The following PPARG variants were observed in gnomAD, a reference collection of about 807,000 sequenced individuals.
PPARG encodes the protein peroxisome proliferator activated receptor gamma.
In PPARG, 17 loss-of-function variants were observed where a neutral mutation model predicts 39.2. The observed-to-expected ratio is 0.43, with a 90% confidence interval of 0.30 to 0.65. The LOEUF is 0.65. PPARG is among the 30% of genes least tolerant of loss of function. The probability of loss-of-function intolerance (pLI) is 0.13; values close to 1 mark genes in which losing one functional copy is unlikely to be tolerated. For missense variants in PPARG, 406 were observed against 585.9 expected, an observed-to-expected ratio of 0.69 and a Z score of 3.17; for synonymous variants, 223 against 215.7, an observed-to-expected ratio of 1.03 and a Z score of -0.30.
At chr3:12,404,965 G>A (rs1194312821) in intron 5 of PPARG, among the ~76,000 whole-genome samples, 3 of 152,162 alleles carry the variant, frequency 2.0e-5, no homozygotes, top group Non-Finnish European at 2.9e-5. Context: ...ATACCACATC[G>A]TGAGTGTAAG....
At chr3:12,358,472 AG>A (rs1274423921) in intron 2 of PPARG, among the ~76,000 whole-genome samples, 1 of 152,192 alleles carries the variant, frequency 6.6e-6, no homozygotes, top group Non-Finnish European at 1.5e-5. Flanking sequence ...TTTAGGAAAA[AG>A]TAAAATATTC....
intron 1 of PPARG, among the ~76,000 whole-genome samples, chr3:12,289,908 A>T (rs2046606542): frequency 6.6e-6 from 1 of 152,172 alleles, no homozygotes; most frequent in African/African-American, 2.4e-5. Flanking sequence ...TTGGAATCAA[A>T]TACACTTTAT....
At chr3:12,288,664 C>G (rs1190045653), upstream of PPARG, among the ~76,000 whole-genome samples, 1 of 152,090 alleles carries the variant, frequency 6.6e-6, no homozygotes, top group Non-Finnish European at 1.5e-5. Context: ...GGGGACCGTT[C>G]AGCGAGGGGC....
chr3:12,303,003 G>A (rs964456161), intron 1 of PPARG, among the ~76,000 whole-genome samples: 1 of 152,144 alleles, frequency 6.6e-6, no homozygotes, highest in African/African-American at 2.4e-5. Context: ...TACAGACCTG[G>A]CACACAGTAA....
intron 4 of PPARG, among the ~76,000 whole-genome samples, chr3:12,392,015 A>G (rs1172601455): frequency 6.6e-6 from 1 of 152,182 alleles, no homozygotes; most frequent in Non-Finnish European, 1.5e-5. Flanking sequence ...TTATCTGATT[A>G]CTTCTCATGT....
In PPARG at chr3:12,292,150, A is replaced by AT. The variant is rs551586560; in HGVS notation, c.-83+3020dup. ...CAATTTATAAACTGTTTCTGGGAATATTTTATTATCATTCAATTTAAAATT... is the reference window on the plus strand; with the variant it reads ...CAATTTATAAACTGTTTCTGGGAATATTTTTATTATCATTCAATTTAAAATT... On this transcript the variant is annotated intron_variant, in intron 1 of 7. Coordinates refer to ENST00000651735, the MANE Select transcript of PPARG (RefSeq NM_138711.6). 3.0e-3 allele frequency among the ~76,000 whole-genome samples: 452 copies of AT among 152,320 alleles called. 2 individuals are homozygous for AT. The highest frequency in any genetic ancestry group is 0.01 in the African/African-American group (418 of 41,570).
chr3:12,351,945 C>T (rs1203589487), intron 2 of PPARG, among the ~76,000 whole-genome samples: 2 of 152,200 alleles, frequency 1.3e-5, no homozygotes, highest in African/African-American at 2.4e-5. Context: ...TATCCAAAAA[C>T]AATCCTGTTC....
At chr3:12,408,793 G>C (rs574931650) in intron 6 of PPARG, among the ~76,000 whole-genome samples, 8 of 151,572 alleles carry the variant, frequency 5.3e-5, no homozygotes, top group African/African-American at 1.9e-4. Context: ...ATCCTTATTA[G>C]AAATCCTGTC....
At chr3:12,414,418 A>G (rs894083918) in intron 6 of PPARG, among the ~76,000 whole-genome samples, 1 of 152,164 alleles carries the variant, frequency 6.6e-6, no homozygotes, top group African/African-American at 2.4e-5. Context: ...GGAGTTCAAG[A>G]CCAGCCCAGG....
At chr3:12,393,885 T>C (rs941725769) in intron 5 of PPARG, among the ~76,000 whole-genome samples, 4 of 152,176 alleles carry the variant, frequency 2.6e-5, no homozygotes, top group Non-Finnish European at 5.9e-5. Context: ...CACAAAATTC[T>C]ATCTGTATGA....
Position 12,416,844 on chromosome 3 carries a change from T to C in PPARG, c.870T>C (p.Ala290=), listed in dbSNP as rs1166912429. The change falls in exon 7 of 8, where the codon GCT becomes GCC. Residue 290 remains alanine, a synonymous_variant. Coordinates refer to ENST00000651735, the MANE Select transcript of PPARG (RefSeq NM_138711.6). ...FQGCQFRSVE[A]VQEITEYAKS... ...GCTGCCAGTTTCGCTCCGTGGAGGC[T>C]GTGCAGGAGATCACAGAGTATGCCA... 6.2e-7 allele frequency: 1 copy of C among 1,614,200 alleles called. No homozygotes were observed. Among genetic ancestry groups the C allele is most frequent in the Admixed American group, 1.7e-5 (1 of 60,024 alleles).
At chr3:12,365,192 C>T (rs2048975210) in intron 2 of PPARG, among the ~76,000 whole-genome samples, 3 of 152,224 alleles carry the variant, frequency 2.0e-5, no homozygotes, top group Non-Finnish European at 4.4e-5. Flanking sequence ...GGCTATAATG[C>T]TTGCCCATCA....
intron 6 of PPARG, among the ~76,000 whole-genome samples, chr3:12,407,993 G>T (rs944668069): frequency 1.3e-5 from 2 of 152,132 alleles, no homozygotes; most frequent in Non-Finnish European, 2.9e-5. Context: ...AGTCCAGAGA[G>T]GTTAAACATT....
intron 2 of PPARG, among the ~76,000 whole-genome samples, chr3:12,379,413 G>T (rs185259919): frequency 5.3e-5 from 8 of 152,272 alleles, no homozygotes; most frequent in African/African-American, 1.9e-4. Context: ...ACCTAATGTA[G>T]AAGTTAATGA....
intron 2 of PPARG, chr3:12,372,193 G>GC (rs968775232): frequency 4.2e-6 from 3 of 715,984 alleles, no homozygotes; most frequent in Admixed American, 2.0e-5. Context: ...TACATCCCCT[G>GC]CCCCCCTGCC....
chr3:12,329,828 C>T (rs759623351), intron 2 of PPARG, among the ~76,000 whole-genome samples: 2 of 152,192 alleles, frequency 1.3e-5, no homozygotes, highest in Non-Finnish European at 1.5e-5. Flanking sequence ...TATCTCTGTT[C>T]TACTTTCTGT....
intron 2 of PPARG, among the ~76,000 whole-genome samples, chr3:12,340,878 G>T (rs2048162295): frequency 6.6e-6 from 1 of 152,128 alleles, no homozygotes; most frequent in Admixed American, 6.5e-5. Flanking sequence ...AAGTGGTTTT[G>T]TATATGCAAT....
At chr3:12,344,764 A>C (rs1320826776) in intron 2 of PPARG, 1 of 152,202 alleles carries the variant, frequency 6.6e-6, no homozygotes, top group African/African-American at 2.4e-5. Context: ...ATATTTGATT[A>C]TAAGAATTCA....
intron 2 of PPARG, among the ~76,000 whole-genome samples, chr3:12,345,240 GC>G (rs1274637085): frequency 6.6e-6 from 1 of 152,166 alleles, no homozygotes; most frequent in Non-Finnish European, 1.5e-5. Context: ...TGTGAATGAG[GC>G]AAGAGAACAT....
Sources: allele counts gnomAD v4.1 joint callset (sites outside exome capture counted in the v4.1 genomes callset), GRCh38; gene constraint gnomAD v4.1.1; transcripts MANE v1.5; gene names NCBI Gene and HGNC (gene_info 2026-07-23, HGNC 2026-07-21).